Variants in TBC1D5 observed in about 807,000 individuals in gnomAD.
TBC1D5 encodes the protein TBC1 domain family, member 5.
Under a neutral mutation model 100.3 loss-of-function variants are expected in TBC1D5, and 75 were observed. The observed-to-expected ratio is 0.75, with a 90% CI of 0.62 to 0.91. TBC1D5 has a LOEUF of 0.91. Ranked by LOEUF, TBC1D5 falls within the 40% of genes least tolerant of loss-of-function variation. TBC1D5 has a pLI of 0.00. For missense variants in TBC1D5, 910 were observed against 942.4 expected, an observed-to-expected ratio of 0.97 and a Z score of 0.45; for synonymous variants, 323 against 325.6, an observed-to-expected ratio of 0.99 and a Z score of 0.09.
chr3:17,304,746 A>C (rs1575225147), intron 14 of TBC1D5, among the ~76,000 whole-genome samples: 1 of 152,122 alleles, frequency 6.6e-6, no homozygotes, highest in Non-Finnish European at 1.5e-5. Context: ...GGGGAAAACT[A>C]GTGCTGATTC....
At chr3:17,465,556 A>G (rs1042556779) in intron 3 of TBC1D5, 2 of 152,354 alleles carry the variant, frequency 1.3e-5, no homozygotes, top group Non-Finnish European at 2.9e-5. Flanking sequence ...AATCACCAAA[A>G]ATAAACATAA....
At chr3:17,377,876 T>C (rs1382328773) in intron 9 of TBC1D5, among the ~76,000 whole-genome samples, 2 of 151,940 alleles carry the variant, frequency 1.3e-5, no homozygotes, top group African/African-American at 4.8e-5. Flanking sequence ...TGACCACATA[T>C]CATTTCAATC....
chr3:17,161,122 G>A (rs1559323607), exon 22 of TBC1D5: 1 of 1,614,236 alleles, frequency 6.2e-7, no homozygotes, highest in East Asian at 2.2e-5. Flanking sequence ...TCCCAGAGGT[G>A]CTTCTGAGGG....
chr3:17,676,746 A>C (rs925940480), intron 1 of TBC1D5, among the ~76,000 whole-genome samples: 1 of 152,230 alleles, frequency 6.6e-6, no homozygotes, highest in African/African-American at 2.4e-5. Context: ...ACCTGACTTC[A>C]AACTATACTA....
chr3:17,626,377 CA>C (rs1383051491), intron 1 of TBC1D5, among the ~76,000 whole-genome samples: 1 of 151,978 alleles, frequency 6.6e-6, no homozygotes, highest in Non-Finnish European at 1.5e-5. Flanking sequence ...TGTAGGCAAC[CA>C]ATTAAGATTT....
chr3:17,345,151 A>C (rs1400707709), intron 13 of TBC1D5, among the ~76,000 whole-genome samples: 228 of 152,028 alleles, frequency 1.5e-3, no homozygotes, highest in African/African-American at 5.3e-3. Flanking sequence ...AATGGGAGAA[A>C]ATTTTTGCAA....
intron 2 of TBC1D5, chr3:17,586,431 T>C (rs573241622): frequency 6.6e-6 from 1 of 152,256 alleles, no homozygotes; most frequent in South Asian, 2.1e-4. Flanking sequence ...CAAAAATGAC[T>C]TAGGCTCAGT....
chr3:17,382,106 T>A (rs942187927), intron 9 of TBC1D5, among the ~76,000 whole-genome samples: 5 of 151,902 alleles, frequency 3.3e-5, no homozygotes, highest in African/African-American at 1.2e-4. Context: ...TCCAACACAT[T>A]TAATAATTAT....
chr3:17,431,772 T>C (rs1266808328), intron 3 of TBC1D5, among the ~76,000 whole-genome samples: 3 of 152,074 alleles, frequency 2.0e-5, no homozygotes, highest in Admixed American at 2.0e-4. Context: ...GTATCTAACT[T>C]ACTAAGCCAG....
At chr3:17,354,015 T>A (rs2090932741) in intron 13 of TBC1D5, among the ~76,000 whole-genome samples, 1 of 152,016 alleles carries the variant, frequency 6.6e-6, no homozygotes, top group Non-Finnish European at 1.5e-5. Context: ...TCATCTAAAA[T>A]AACAAAATTG....
At chr3:17,721,137 C>T (rs943262472) in intron 1 of TBC1D5, among the ~76,000 whole-genome samples, 1 of 151,800 alleles carries the variant, frequency 6.6e-6, no homozygotes, top group African/African-American at 2.4e-5. Flanking sequence ...AACCACACCC[C>T]GCCGAGACTG....
At position 17,161,157 on chromosome 3, in the gene TBC1D5, A is replaced by T. The variant is rs145128826; in HGVS notation, c.2194T>A (p.Ser732Thr). 1,963 of 1,614,202 alleles carry T rather than the reference A, an allele frequency of 1.2e-3. 6 individuals are homozygous for T. The Middle Eastern group carries it at 0.016, about 13-fold the overall frequency. ...GTGCGAAGAGGCTGGGCCTGGCCGG[A>T]GAAGGAGCCCCTGGCACTGCTCCCA... Residue 732 changes from serine (S) to threonine (T), a missense_variant, in exon 22 of 22, where the codon TCC (serine) becomes ACC (threonine). Coordinates refer to ENST00000253692, the Ensembl canonical transcript of TBC1D5.
At chr3:17,222,294 A>G (rs1304168412) in intron 17 of TBC1D5, among the ~76,000 whole-genome samples, 1 of 152,128 alleles carries the variant, frequency 6.6e-6, no homozygotes, top group African/African-American at 2.4e-5. Flanking sequence ...TGGCACTATC[A>G]TTATCATGAA....
At chr3:17,227,245 A>G (rs1442347156) in intron 17 of TBC1D5, among the ~76,000 whole-genome samples, 1 of 152,138 alleles carries the variant, frequency 6.6e-6, no homozygotes, top group African/African-American at 2.4e-5. Context: ...TGGGTCAGGG[A>G]GGGTCCTCTC....
intron 4 of TBC1D5, among the ~76,000 whole-genome samples, chr3:17,418,306 G>A (rs957268599): frequency 2.0e-5 from 3 of 151,864 alleles, no homozygotes; most frequent in Non-Finnish European, 2.9e-5. Context: ...TTTGATCATC[G>A]ATTCAAATAT....
intron 2 of TBC1D5, among the ~76,000 whole-genome samples, chr3:17,531,885 G>C (rs2096231315): frequency 6.6e-6 from 1 of 152,096 alleles, no homozygotes; most frequent in African/African-American, 2.4e-5. Context: ...AAAAACCCTA[G>C]AAGAAAACCT....
intron 3 of TBC1D5, among the ~76,000 whole-genome samples, chr3:17,428,802 C>G (rs188753379): frequency 1.5e-4 from 23 of 151,906 alleles, no homozygotes; most frequent in African/African-American, 4.8e-4. Flanking sequence ...GAATTACAGA[C>G]AAAACTAAAA....
chr3:17,674,882 T>C (rs1189534206), intron 1 of TBC1D5, among the ~76,000 whole-genome samples: 3 of 152,058 alleles, frequency 2.0e-5, no homozygotes, highest in Non-Finnish European at 4.4e-5. Flanking sequence ...ATATAGCATA[T>C]ATTTAATTTT....
At chr3:17,546,688 G>A (rs572813497) in intron 2 of TBC1D5, among the ~76,000 whole-genome samples, 15 of 151,104 alleles carry the variant, frequency 9.9e-5, no homozygotes, top group East Asian at 5.8e-4. Flanking sequence ...TGAGTCTCCC[G>A]AGGGGAATCT....
Sources: allele counts gnomAD v4.1 joint callset (sites outside exome capture counted in the v4.1 genomes callset), GRCh38; gene constraint gnomAD v4.1.1; transcripts MANE v1.5; gene names NCBI Gene and HGNC (gene_info 2026-07-23, HGNC 2026-07-21).